GRM7: variants seen among roughly 807,000 people sequenced by gnomAD.
GRM7 encodes metabotropic glutamate receptor 7.
Under a neutral mutation model 84.5 loss-of-function variants are expected in GRM7, and 35 were observed. The ratio of observed to expected loss-of-function variants is 0.41; its 90% CI spans 0.32 to 0.55. The LOEUF (loss-of-function observed/expected upper bound fraction) is 0.55, where lower values mean the gene tolerates loss of function less well. Among genes scored for constraint, GRM7 ranks in the 20% least tolerant of loss-of-function variants. The pLI, the probability that GRM7 is intolerant of heterozygous loss-of-function variation, is 0.19. For missense variants in GRM7, 1,003 were observed against 1,194.6 expected (o/e 0.84, Z 2.36); for synonymous variants, 487 against 455.1 (o/e 1.07, Z -0.89).
chr3:7,150,927 G>A (rs1432160940), intron 2 of GRM7, among the ~76,000 whole-genome samples: 2 of 152,068 alleles, frequency 1.3e-5, no homozygotes, highest in South Asian at 2.1e-4. Flanking sequence ...CTATTTCCAG[G>A]AAAATCTCAT....
intron 1 of GRM7, among the ~76,000 whole-genome samples, chr3:6,923,077 G>C (rs62235385): frequency 0.1 from 15,669 of 151,968 alleles, 877 homozygotes; most frequent in African/African-American, 0.12. Flanking sequence ...TACACTTGCG[G>C]AATCTCGGCT....
At chr3:7,367,630 T>C (rs2125113074) in intron 4 of GRM7, among the ~76,000 whole-genome samples, 1 of 151,966 alleles carries the variant, frequency 6.6e-6, no homozygotes, top group Middle Eastern at 3.4e-3. Context: ...TAATAATATC[T>C]GACCCTCCAA....
chr3:7,023,308 A>G (rs1695848725), intron 1 of GRM7, among the ~76,000 whole-genome samples: 1 of 152,166 alleles, frequency 6.6e-6, no homozygotes, highest in African/African-American at 2.4e-5. Context: ...TGGTCAGATA[A>G]AAAGAATTCC....
chr3:7,501,480 G>A (rs1699880732), intron 7 of GRM7, among the ~76,000 whole-genome samples: 1 of 152,128 alleles, frequency 6.6e-6, no homozygotes, highest in Non-Finnish European at 1.5e-5. Context: ...GACATTTAAT[G>A]GACAATAGCC....
chr3:7,111,428 G>A (rs1186702512), intron 1 of GRM7, among the ~76,000 whole-genome samples: 1 of 152,130 alleles, frequency 6.6e-6, no homozygotes, highest in Non-Finnish European at 1.5e-5. Flanking sequence ...ACCAAGTCAA[G>A]AAGCATTTAG....
intron 8 of GRM7, among the ~76,000 whole-genome samples, chr3:7,600,715 T>C (rs887519387): frequency 6.6e-6 from 1 of 152,196 alleles, no homozygotes; most frequent in Non-Finnish European, 1.5e-5. Context: ...CCATATCATC[T>C]TAACCAAAGT....
At chr3:7,502,166 G>C (rs757342579) in intron 7 of GRM7, among the ~76,000 whole-genome samples, 1 of 152,148 alleles carries the variant, frequency 6.6e-6, no homozygotes, top group East Asian at 1.9e-4. Flanking sequence ...TTGCAGAGCA[G>C]AGGGTGAAAT....
chr3:7,362,424 T>C (rs1268458969), intron 4 of GRM7, among the ~76,000 whole-genome samples: 4 of 152,116 alleles, frequency 2.6e-5, no homozygotes, highest in Non-Finnish European at 5.9e-5. Context: ...ATTTGGTCAA[T>C]ATCTCAGCAG....
Position 6,862,733 on chromosome 3 carries a change from C to G in GRM7, c.519+826C>G. ...TGCCTCCTCCCTCCTCCCCCCCGCC[C>G]CCCTCACCCACTATCTCCCTGACGC... On this transcript the variant is annotated intron_variant, in intron 1 of 9. Coordinates refer to ENST00000357716, the MANE Select transcript of GRM7 (RefSeq NM_000844.4). This position sits in a 1 kb window ranked among gnomAD's most constrained non-coding sequence, Gnocchi z 5.2. The G allele has an allele frequency of 7.0e-6, 2 of 286,412 alleles. No individual in the cohort carries two copies. The highest frequency in any genetic ancestry group is 1.4e-5 in the Non-Finnish European group (2 of 143,720). 17.7% of individuals were successfully genotyped at this position (286,412 alleles called of 1,614,324 possible).
intron 4 of GRM7, among the ~76,000 whole-genome samples, chr3:7,391,199 T>A (rs1463911424): frequency 6.6e-6 from 1 of 152,154 alleles, no homozygotes; most frequent in East Asian, 1.9e-4. Context: ...TTGTTATGAT[T>A]TAATTTTGTT....
intron 9 of GRM7, among the ~76,000 whole-genome samples, chr3:7,738,738 TC>T (rs200601491): frequency 0.1 from 14,552 of 140,300 alleles, 883 homozygotes; most frequent in African/African-American, 0.19. Context: ...TTTTTTTTTT[TC>T]CCCTTCTTTT....
intron 8 of GRM7, among the ~76,000 whole-genome samples, chr3:7,646,108 C>A (rs1006432146): frequency 4.6e-5 from 7 of 152,310 alleles, no homozygotes; most frequent in Middle Eastern, 3.4e-3. Flanking sequence ...CCATGCAGGG[C>A]CCATGCACCA....
chr3:7,544,018 G>C (rs111817594), intron 7 of GRM7, among the ~76,000 whole-genome samples: 3 of 152,334 alleles, frequency 2.0e-5, no homozygotes, highest in East Asian at 3.9e-4. Context: ...TAAAGCTCTT[G>C]ATTGATTTCA....
intron 3 of GRM7, 28 bp from the exon 4 acceptor site, chr3:7,306,470 A>G: frequency 6.2e-7 from 1 of 1,601,456 alleles, no homozygotes; most frequent in African/African-American, 1.3e-5. Context: ...TTTATCATTA[A>G]TATAACTTTC....
At chr3:7,567,869 A>C (rs1164171926) in intron 7 of GRM7, among the ~76,000 whole-genome samples, 2 of 148,460 alleles carry the variant, frequency 1.3e-5, no homozygotes, top group Admixed American at 6.8e-5. Context: ...GGGAGGGGGC[A>C]TTCTTGGAAC....
At chr3:7,459,857 A>G (rs895337599) in intron 6 of GRM7, among the ~76,000 whole-genome samples, 3 of 152,012 alleles carry the variant, frequency 2.0e-5, no homozygotes, top group African/African-American at 7.2e-5. Context: ...AAGGGAACTC[A>G]GTAAGCCCGT....
At chr3:7,056,728 T>C (rs1697238025) in intron 1 of GRM7, among the ~76,000 whole-genome samples, 1 of 151,994 alleles carries the variant, frequency 6.6e-6, no homozygotes, top group Non-Finnish European at 1.5e-5. Flanking sequence ...ATATTTATTA[T>C]ACCATCCAAA....
chr3:7,177,559 A>C (rs1177092822), intron 2 of GRM7, among the ~76,000 whole-genome samples: 1 of 150,062 alleles, frequency 6.7e-6, no homozygotes, highest in African/African-American at 2.5e-5. Context: ...GGAGGGAGGG[A>C]GGAAAGGAAG....
At chr3:7,654,925 C>CT (rs1189425328) in intron 8 of GRM7, among the ~76,000 whole-genome samples, 1 of 152,172 alleles carries the variant, frequency 6.6e-6, no homozygotes, top group African/African-American at 2.4e-5. Flanking sequence ...GAAATTTACC[C>CT]TTTTTTCTTA....
Sources: allele counts gnomAD v4.1 joint callset (sites outside exome capture counted in the v4.1 genomes callset), GRCh38; gene constraint gnomAD v4.1.1; non-coding constraint Gnocchi (gnomAD v3.1); transcripts MANE v1.5; gene names NCBI Gene and HGNC (gene_info 2026-07-23, HGNC 2026-07-21).